Variants in ESYT2 observed in about 807,000 individuals in gnomAD.
ESYT2 encodes extended synaptotagmin 2.
ESYT2 carries 54 observed loss-of-function variants against 107.2 expected under a neutral mutation model. The ratio of observed to expected loss-of-function variants is 0.50; its 90% confidence interval spans 0.40 to 0.63. ESYT2 has a LOEUF of 0.63. ESYT2 is among the 30% of genes least tolerant of loss of function. The pLI is 0.00. For synonymous variants in ESYT2, 491 were observed against 434.1 expected, an observed-to-expected ratio of 1.13 and a Z score of -1.63; for missense variants, 1,020 against 1,094.5, an observed-to-expected ratio of 0.93 and a Z score of 0.96.
intron 1 of ESYT2, among the ~76,000 whole-genome samples, chr7:158,827,953 T>C (rs1840504087): frequency 1.3e-5 from 2 of 152,166 alleles, no homozygotes; most frequent in African/African-American, 2.4e-5. Context: ...TTCGTGTCTA[T>C]AGTCCATAAA....
intron 13 of ESYT2, among the ~76,000 whole-genome samples, chr7:158,754,405 G>A (rs915260008): frequency 4.0e-5 from 6 of 151,826 alleles, no homozygotes; most frequent in Admixed American, 2.0e-4. Flanking sequence ...TAGAGATGGC[G>A]TTTCACCATG....
At chr7:158,789,011 T>C (rs547457483) in intron 4 of ESYT2, among the ~76,000 whole-genome samples, 36 of 152,328 alleles carry the variant, frequency 2.4e-4, no homozygotes, top group African/African-American at 8.7e-4. Flanking sequence ...GATTTGCACC[T>C]GTTTTTAATA....
rs1421753740 is a variant in ESYT2 at position 158,733,558 on chromosome 7, T to C, written c.*649A>G. The C allele has an allele frequency of 9.9e-5, 15 of 152,248 alleles. No homozygotes were observed. The allele number at this position is 152,248 out of a possible 1,614,324, so 9.4% of individuals were successfully genotyped here. A position where few individuals can be genotyped will look rare whatever the true frequency, so the allele number is the denominator to read the frequency against. ...TACTCAGTTATAAAACATTTTTCCT[T>C]ATAAGCCCTTCAACTTACTTCTCAA... On this transcript the variant is annotated 3_prime_UTR_variant, in exon 23 of 23. Transcript: ENST00000275418.
chr7:158,814,278 A>T (rs1840075640), intron 1 of ESYT2, among the ~76,000 whole-genome samples: 1 of 127,074 alleles, frequency 7.9e-6, no homozygotes, highest in Non-Finnish European at 1.6e-5. Context: ...CGTCTCAAAA[A>T]AAAAAAAATT....
At chr7:158,793,518 A>G (rs1174538314) in intron 4 of ESYT2, 132 bp downstream of exon 4, 5 of 693,008 alleles carry the variant, frequency 7.2e-6, no homozygotes, top group East Asian at 2.7e-5. Flanking sequence ...TTGGATGTCT[A>G]ACAAGAATTT....
In ESYT2 at chr7:158,782,393, C is replaced by A. The variant is rs1387655963; in HGVS notation, c.747+5611G>T. Among the ~76,000 whole-genome samples the A allele has an allele frequency of 3.5e-5, 3 of 86,638 alleles. 1 individual carries two copies. Among genetic ancestry groups the A allele is most frequent in the Non-Finnish European group, 6.9e-5 (3 of 43,216 alleles). 56.8% of individuals were successfully genotyped at this position (86,638 alleles called of 152,430 possible). ...GTGTGAGAACAAAGTGAGGTAAGAA[C>A]GAGAACAAGTGAGTGAACGAGTGTG... On this transcript the variant is annotated intron_variant, in intron 6 of 22. Transcript: ENST00000275418.
At chr7:158,785,809 G>GA (rs1471957541) in intron 6 of ESYT2, among the ~76,000 whole-genome samples, 1 of 152,016 alleles carries the variant, frequency 6.6e-6, no homozygotes, top group East Asian at 1.9e-4. Context: ...AATATTTAGG[G>GA]TTTTTTTCCT....
Position 158,750,714 on chromosome 7 carries a change from CTAAGT to C in ESYT2, c.1483-996_1483-992del, listed in dbSNP as rs780081261. On this transcript the variant is annotated intron_variant, in intron 14 of 22. Transcript: ENST00000275418. ...GTGGAAGAGAATACTAATTTCCCCC[CTAAGT>C]TAATTTTCTCCTTTTTCCTTTAATA... Among the ~76,000 whole-genome samples the C allele has an allele frequency of 2.0e-4, 30 of 149,262 alleles. No homozygotes were observed. In the South Asian group the frequency reaches 6.2e-3, roughly 31 times the overall value.
At chr7:158,782,539 A>ATGAG (rs1294632588) in intron 6 of ESYT2, among the ~76,000 whole-genome samples, 1 of 147,802 alleles carries the variant, frequency 6.8e-6, no homozygotes, top group Non-Finnish European at 1.5e-5. Context: ...GTGTAAGAAA[A>ATGAG]TGAGTGTGAG....
intron 19 of ESYT2, 43 bp downstream of exon 19, chr7:158,738,980 A>G (rs1026365439): frequency 2.5e-6 from 4 of 1,573,008 alleles, no homozygotes; most frequent in African/African-American, 1.4e-5. Context: ...CAGCATCCAC[A>G]CTCAGCAGCA....
At position 158,734,592 on chromosome 7, in the gene ESYT2, C is replaced by T. The variant is rs565435826; in HGVS notation, c.2506-121G>A. On this transcript the variant is annotated intron_variant, in intron 21 of 22. Transcript: ENST00000275418. The stretch of plus-strand genomic sequence containing the variant: ...TCTCTTAAGCCCAAGAGTTTGAGAC[C>T]AGCCTGGGCAAGATAGTGAAACCTT... The T allele has an allele frequency of 1.8e-4, 148 of 835,178 alleles. 2 individuals are homozygous for T. In the African/African-American group the frequency reaches 2.2e-3, roughly 13 times the overall value. The allele number at this position is 835,178 out of a possible 1,614,324, so 51.7% of individuals were successfully genotyped here. A position where few individuals can be genotyped will look rare whatever the true frequency, so the allele number is the denominator to read the frequency against.
chr7:158,779,065 ATAAATGGGTAG>A (rs1231640509), intron 6 of ESYT2, among the ~76,000 whole-genome samples: 1 of 152,228 alleles, frequency 6.6e-6, no homozygotes, highest in Non-Finnish European at 1.5e-5. Flanking sequence ...TAAAACCTCC[ATAAATGGGTAG>A]TATTAATGCT....
intron 1 of ESYT2, among the ~76,000 whole-genome samples, chr7:158,800,945 C>T (rs1381975306): frequency 6.6e-6 from 1 of 152,078 alleles, no homozygotes; most frequent in Non-Finnish European, 1.5e-5. Flanking sequence ...TCCATCACTG[C>T]CTCACTGTAG....
Position 158,757,639 on chromosome 7 carries a change from C to T in ESYT2, c.1419+1847G>A, listed in dbSNP as rs7811146. Among the ~76,000 whole-genome samples the T allele has an allele frequency of 4.7e-3, 716 of 152,332 alleles. 2 individuals carry two copies. Among genetic ancestry groups the T allele is most frequent in the African/African-American group, 0.016 (657 of 41,568 alleles). ...GGATCCTAGAGCCCGCGGGACGCCC[C>T]TTAATCCCGCGCCAGGCACCCCGCG... On this transcript the variant is annotated intron_variant, in intron 13 of 22. Transcript: ENST00000275418.
At chr7:158,823,273 C>A (rs147555428) in intron 1 of ESYT2, among the ~76,000 whole-genome samples, 1 of 107,632 alleles carries the variant, frequency 9.3e-6, no homozygotes, top group African/African-American at 3.7e-5. Flanking sequence ...CCAGCCTGGG[C>A]GACAGAGTGA....
Position 158,764,846 on chromosome 7 carries a change from A to C in ESYT2, c.932T>G (p.Leu311Arg). ...QLRFPVPKGV[L>R]RIHFIEAQDL... Reference sequence around the variant, plus strand: ...CTGAGCTTCAATAAAATGTATCCTTAGAACACCCTGAAAAGAAGAACAAAC... The same window carrying C: ...CTGAGCTTCAATAAAATGTATCCTTCGAACACCCTGAAAAGAAGAACAAAC... Residue 311 changes from leucine (L) to arginine (R), a missense_variant, in exon 9 of 23, where the codon CTA (leucine) becomes CGA (arginine). Physicochemically the swap from Leu to Arg is moderately radical, Grantham distance 102. Transcript: ENST00000275418. 1 of 1,613,682 alleles carries C rather than the reference A, an allele frequency of 6.2e-7. No individual in the cohort carries two copies. The highest frequency in any genetic ancestry group is 8.5e-7 in the Non-Finnish European group (1 of 1,179,836).
chr7:158,800,663 T>C (rs1277583225), intron 1 of ESYT2, among the ~76,000 whole-genome samples: 1 of 152,206 alleles, frequency 6.6e-6, no homozygotes, highest in African/African-American at 2.4e-5. Flanking sequence ...GTGTTGGAAT[T>C]ACAAGTGTGA....
At chr7:158,767,867 A>C in intron 7 of ESYT2, 93 bp from the exon 8 acceptor site, 1 of 1,435,610 alleles carries the variant, frequency 7.0e-7, no homozygotes, top group Non-Finnish European at 9.4e-7. Context: ...AATATGATGT[A>C]AGTCCCATTT....
Position 158,829,212 on chromosome 7 carries a change from C to T in ESYT2, c.207G>A (p.Leu69=), listed in dbSNP as rs753988576. 9.8e-6 allele frequency: 15 copies of T among 1,530,520 alleles called. No individual in the cohort carries two copies. The highest frequency in any genetic ancestry group is 1.3e-5 in the Non-Finnish European group (15 of 1,146,356). 94.8% of individuals were successfully genotyped at this position (1,530,520 alleles called of 1,614,324 possible). A position where few individuals can be genotyped will look rare whatever the true frequency, so the allele number is the denominator to read the frequency against. ...SFSWVLLALA[L]LAWCRRSRGL... Reference sequence around the variant, plus strand: ...CGCGGCTGCGGCGACACCAGGCGAGCAGCGCGAGCGCGAGGAGAACCCAGC... The same window carrying T: ...CGCGGCTGCGGCGACACCAGGCGAGTAGCGCGAGCGCGAGGAGAACCCAGC... The change falls in exon 1 of 23, where the codon CTG becomes CTA. Residue 69 remains leucine (L), a synonymous_variant. Transcript: ENST00000275418.
Sources: gnomAD v4.1 joint callset for allele counts (sites outside exome capture counted in the v4.1 genomes callset) on GRCh38, gnomAD v4.1.1 for gene constraint, MANE v1.5 for transcripts, NCBI Gene and HGNC (gene_info 2026-07-23, HGNC 2026-07-21) for gene names.